The following GSDME variants were observed in gnomAD, a reference collection of about 807,000 sequenced individuals.
GSDME encodes the protein gasdermin-E.
GSDME carries 44 observed loss-of-function variants against 47.5 expected under a neutral mutation model. That is an observed-to-expected ratio of 0.93 (90% confidence interval 0.73 to 1.19). GSDME has a LOEUF of 1.19. Among genes scored for constraint, GSDME ranks in the 50% most tolerant of loss-of-function variants. The pLI, the probability that GSDME is intolerant of heterozygous loss-of-function variation, is 0.00. For missense variants in GSDME, 663 were observed against 604.2 expected, an observed-to-expected ratio of 1.10 and a Z score of -1.02; for synonymous variants, 258 against 252.8, an observed-to-expected ratio of 1.02 and a Z score of -0.20.
intron 3 of GSDME, among the ~76,000 whole-genome samples, chr7:24,722,107 G>A (rs990651736): frequency 1.7e-4 from 26 of 152,220 alleles, no homozygotes; most frequent in Admixed American, 2.0e-4. Context: ...CAGAGGTGGT[G>A]AGTGTGCTCT....
At chr7:24,791,339 C>T in the GSDME span, among the ~76,000 whole-genome samples, 1 of 152,214 alleles carries the variant, frequency 6.6e-6, no homozygotes, top group African/African-American at 2.4e-5. This position sits in a 1 kb window ranked among gnomAD's most constrained non-coding sequence, Gnocchi z 4.8. Context: ...ATGAGCTCTC[C>T]ACGTTTGGGC....
At chr7:24,758,828 T>G (rs1186227848), upstream of GSDME, among the ~76,000 whole-genome samples, 1 of 152,214 alleles carries the variant, frequency 6.6e-6, no homozygotes, top group Non-Finnish European at 1.5e-5. The surrounding 1 kb of genome is among the most constrained non-coding windows in gnomAD (Gnocchi z 4.6). Flanking sequence ...TCTTATTTCA[T>G]GTATTATCCT....
Position 24,716,747 on chromosome 7 carries a change from TAATAGCA to T in GSDME, c.697+500_697+506del, listed in dbSNP as rs1346268409. 2.2e-5 allele frequency: 4 copies of T among 185,548 alleles called. No individual in the cohort carries two copies. Among genetic ancestry groups the T allele is most frequent in the Non-Finnish European group, 4.6e-5 (4 of 87,208 alleles). 11.5% of individuals were successfully genotyped at this position (185,548 alleles called of 1,614,324 possible). On this transcript the variant is annotated intron_variant, in intron 5 of 9. Transcript: ENST00000645220. This position sits in a 1 kb window ranked among gnomAD's most constrained non-coding sequence, Gnocchi z 4.5. ...GTAACAATAATGATGATAATGCTAT[TAATAGCA>T]AAGGTGGAGGAATTAATAAATGACC...
At position 24,717,624 on chromosome 7, in the gene GSDME, T is replaced by C. The variant is rs145303927; in HGVS notation, c.577-250A>G. Among the ~76,000 whole-genome samples, 98 of 152,194 alleles carry C rather than the reference T, an allele frequency of 6.4e-4. 1 individual carries two copies. In the East Asian group the frequency reaches 0.013, roughly 20 times the overall value. Reference sequence around the variant, plus strand: ...CGAGATTATAGAGCGTGGGATACAGTGAAGTTAGGTCTACAGTGCTGTGCA... The same window carrying C: ...CGAGATTATAGAGCGTGGGATACAGCGAAGTTAGGTCTACAGTGCTGTGCA... On this transcript the variant is annotated intron_variant, in intron 4 of 9. Transcript: ENST00000645220.
At chr7:24,773,392 T>G in the GSDME span, among the ~76,000 whole-genome samples, 1 of 152,248 alleles carries the variant, frequency 6.6e-6, no homozygotes, top group African/African-American at 2.4e-5. The surrounding 1 kb of genome is among the most constrained non-coding windows in gnomAD (Gnocchi z 5.4). Context: ...ATTTTTACAT[T>G]TTAGTGCAAA....
At chr7:24,776,461 G>T in the GSDME span, among the ~76,000 whole-genome samples, 2 of 152,098 alleles carry the variant, frequency 1.3e-5, no homozygotes, top group Middle Eastern at 3.2e-3. Context: ...CATCCTCCTC[G>T]ATAATTATCA....
At chr7:24,775,381 G>A in the GSDME span, among the ~76,000 whole-genome samples, 40 of 152,288 alleles carry the variant, frequency 2.6e-4, no homozygotes, top group Middle Eastern at 6.8e-3. Flanking sequence ...GATGATATCC[G>A]TTTAATTAGG....
chr7:24,710,438 T>C (rs1319570458), intron 5 of GSDME, 50 bp from the exon 6 acceptor site: 3 of 1,600,270 alleles, frequency 1.9e-6, no homozygotes, highest in Non-Finnish European at 2.6e-6. Flanking sequence ...GTCTAAGGTG[T>C]GCCAACAAGT....
At position 24,708,249 on chromosome 7, in the gene GSDME, G is replaced by C; in HGVS notation, c.868C>G (p.Leu290Val). The C allele has an allele frequency of 1.2e-6, 2 of 1,614,054 alleles. No homozygotes were observed. The highest frequency in any genetic ancestry group is 1.1e-5 in the South Asian group (1 of 91,058). Residue 290 changes from leucine (L) to valine (V), a missense_variant, in exon 7 of 10, where the codon CTG becomes GTG. Transcript: ENST00000645220. Reference sequence around the variant, plus strand: ...GGATGGAAATTCCTCTCCAGGAGCAGGGTCGCTGTGAAAACAAAGCACACC... The same window carrying C: ...GGATGGAAATTCCTCTCCAGGAGCACGGTCGCTGTGAAAACAAAGCACACC... ...GPLSVLKQATLLLERNFHPFA... is the reference protein window; with the variant it reads ...GPLSVLKQATVLLERNFHPFA...
rs745945272 is a variant in GSDME, at chr7:24,735,631, G to A, written c.404+8931C>T. ...AAAGTAGCCGGGCGTGGTGGTGGGC[G>A]CCTGTAATCCCAACTACTCAGGAGG... On this transcript the variant is annotated intron_variant, in intron 3 of 9. Coordinates refer to ENST00000645220, the MANE Select transcript of GSDME (RefSeq NM_001127453.2). The surrounding 1 kb of genome is among the most constrained non-coding windows in gnomAD (Gnocchi z 4.4). Among the ~76,000 whole-genome samples the A allele has an allele frequency of 8.6e-5, 13 of 151,880 alleles. No homozygotes were observed. Among genetic ancestry groups the A allele is most frequent in the African/African-American group, 1.5e-4 (6 of 41,370 alleles).
chr7:24,717,292 C>A lies in GSDME; in HGVS notation c.659G>T (p.Gly220Val). Residue 220 changes from glycine to valine, a missense_variant, in exon 5 of 10, where the codon GGT (glycine) becomes GTT (valine). Coordinates refer to ENST00000645220, the MANE Select transcript of GSDME (RefSeq NM_001127453.2). Reference protein sequence around the residue: ...EIPAATTIAYGVIELYVKLDG... With the variant: ...EIPAATTIAYVVIELYVKLDG... Reference sequence around the variant, plus strand: ...CAGTTTCACGTATAACTCAATGACACCGTAGGCAATGGTGGTGGCAGCTGG... The same window carrying A: ...CAGTTTCACGTATAACTCAATGACAACGTAGGCAATGGTGGTGGCAGCTGG... The A allele has an allele frequency of 1.9e-6, 3 of 1,613,564 alleles. No individual in the cohort carries two copies. The highest frequency in any genetic ancestry group is 2.5e-6 in the Non-Finnish European group (3 of 1,179,760).
the GSDME span, among the ~76,000 whole-genome samples, chr7:24,772,887 A>T: frequency 6.6e-6 from 1 of 152,180 alleles, no homozygotes; most frequent in Non-Finnish European, 1.5e-5. This position sits in a 1 kb window ranked among gnomAD's most constrained non-coding sequence, Gnocchi z 4.5. Context: ...GTTCAATGAG[A>T]CTTGATCTTA....
chr7:24,771,919 A>G, the GSDME span, among the ~76,000 whole-genome samples: 6 of 152,174 alleles, frequency 3.9e-5, no homozygotes, highest in African/African-American at 1.4e-4. This position sits in a 1 kb window ranked among gnomAD's most constrained non-coding sequence, Gnocchi z 4.1. Context: ...ACGTGAATGG[A>G]GGTCGTGGCC....
At position 24,745,554 on chromosome 7, in the gene GSDME, A is replaced by C. The variant is rs1790642801; in HGVS notation, c.212-800T>G. 1.3e-5 allele frequency among the ~76,000 whole-genome samples: 2 copies of C among 152,220 alleles called. No individual in the cohort carries two copies. The highest frequency in any genetic ancestry group is 4.8e-5 in the African/African-American group (2 of 41,464). ...TGTCTGATCTCATATCTGAACTGTCAGCCTTCTCACATCTCCAGGTTTCTA... is the reference window on the plus strand; with the variant it reads ...TGTCTGATCTCATATCTGAACTGTCCGCCTTCTCACATCTCCAGGTTTCTA... On this transcript the variant is annotated intron_variant, in intron 2 of 9. Coordinates refer to ENST00000645220, the MANE Select transcript of GSDME (RefSeq NM_001127453.2). This position sits in a 1 kb window ranked among gnomAD's most constrained non-coding sequence, Gnocchi z 4.4.
At chr7:24,704,785 C>T (rs999509770) in intron 8 of GSDME, 3 of 151,988 alleles carry the variant, frequency 2.0e-5, no homozygotes, top group African/African-American at 7.3e-5. Flanking sequence ...CCTTGAATTC[C>T]TGGGCTCAAG....
intron 9 of GSDME, among the ~76,000 whole-genome samples, chr7:24,699,609 T>G (rs2721820): frequency 0.51 from 77,405 of 152,032 alleles, 23,487 homozygotes; most frequent in East Asian, 0.85. Context: ...CAAAGTGCTG[T>G]GATTACAGAC....
the GSDME span, among the ~76,000 whole-genome samples, chr7:24,772,565 C>T: frequency 6.6e-6 from 1 of 152,186 alleles, no homozygotes; most frequent in Non-Finnish European, 1.5e-5. The surrounding 1 kb of genome is among the most constrained non-coding windows in gnomAD (Gnocchi z 4.5). Context: ...AATGAACAGT[C>T]AACTGTGGCT....
At position 24,742,436 on chromosome 7, in the gene GSDME, T is replaced by C. The variant is rs1255373406; in HGVS notation, c.404+2126A>G. Among the ~76,000 whole-genome samples the C allele has an allele frequency of 1.3e-5, 2 of 152,164 alleles. No individual in the cohort carries two copies. The highest frequency in any genetic ancestry group is 4.8e-5 in the African/African-American group (2 of 41,426). On this transcript the variant is annotated intron_variant, in intron 3 of 9. Coordinates refer to ENST00000645220, the MANE Select transcript of GSDME (RefSeq NM_001127453.2). The surrounding 1 kb of genome is among the most constrained non-coding windows in gnomAD (Gnocchi z 4.4). ...TACATATAAAGTGCCTGGCACACAG[T>C]AGGTGCTCTGCGGATGCTCCTTTCC...
At chr7:24,766,532 T>C in the GSDME span, among the ~76,000 whole-genome samples, 3 of 152,128 alleles carry the variant, frequency 2.0e-5, no homozygotes, top group African/African-American at 7.2e-5. The surrounding 1 kb of genome is among the most constrained non-coding windows in gnomAD (Gnocchi z 4.2). Flanking sequence ...CAACTCCCAC[T>C]TATGAGTGAG....
Sources: allele counts gnomAD v4.1 joint callset (sites outside exome capture counted in the v4.1 genomes callset), GRCh38; gene constraint gnomAD v4.1.1; non-coding constraint Gnocchi (gnomAD v3.1); transcripts MANE v1.5; gene names NCBI Gene and HGNC (gene_info 2026-07-23, HGNC 2026-07-21).